RALYL: variants seen among roughly 807,000 people sequenced by gnomAD.
RALYL encodes the protein RNA-binding Raly-like protein.
Under a neutral mutation model 35.1 loss-of-function variants are expected in RALYL, and 29 were observed. The ratio of observed to expected loss-of-function variants is 0.83; its 90% CI spans 0.61 to 1.13. The LOEUF (loss-of-function observed/expected upper bound fraction) is 1.13. RALYL is among the 50% of genes most tolerant of loss of function. The probability of loss-of-function intolerance (pLI) is 0.00; values close to 1 mark genes in which losing one functional copy is unlikely to be tolerated. For missense variants in RALYL, 359 were observed against 360.4 expected (o/e 1.00, Z 0.03); for synonymous variants, 120 against 127.6 (o/e 0.94, Z 0.40).
intron 1 of RALYL, among the ~76,000 whole-genome samples, chr8:84,298,605 G>T (rs1840205850): frequency 6.6e-6 from 1 of 152,064 alleles, no homozygotes; most frequent in African/African-American, 2.4e-5. Flanking sequence ...GTCATTGGTG[G>T]GTTTGTTAGG....
intron 2 of RALYL, among the ~76,000 whole-genome samples, chr8:84,715,901 T>C (rs1842890553): frequency 1.3e-5 from 2 of 152,158 alleles, no homozygotes; most frequent in South Asian, 4.1e-4. Context: ...GGTCTCTTAT[T>C]ATTGACATAT....
rs57543989 is a variant in RALYL at position 84,228,154 on chromosome 8, CAAA to C, written c.-24+43750_-24+43752del. Among the ~76,000 whole-genome samples the C allele has an allele frequency of 7.7e-4, 95 of 123,782 alleles. No individual in the cohort carries two copies. The South Asian group carries it at 0.022, about 28-fold the overall frequency. 81.2% of individuals were successfully genotyped at this position (123,782 alleles called of 152,430 possible). ...AACGAAGACATAAAGAATAGTCTAGCAAAAAAAAAAAAAAAAAAAAAATGTGAT... is the reference window on the plus strand; with the variant it reads ...AACGAAGACATAAAGAATAGTCTAGCAAAAAAAAAAAAAAAAAAATGTGAT... On this transcript the variant is annotated intron_variant, in intron 1 of 8. Transcript: ENST00000521268.
At chr8:84,804,329 A>G (rs113784620) in intron 3 of RALYL, among the ~76,000 whole-genome samples, 21 of 152,314 alleles carry the variant, frequency 1.4e-4, no homozygotes, top group African/African-American at 5.1e-4. Flanking sequence ...ATAACTATAT[A>G]TGGTATGCTG....
At chr8:84,704,309 C>T (rs1307427591) in intron 2 of RALYL, among the ~76,000 whole-genome samples, 2 of 152,040 alleles carry the variant, frequency 1.3e-5, no homozygotes, top group Non-Finnish European at 2.9e-5. Context: ...CCTGTAATCC[C>T]AGCTACTCAG....
rs2059686339 is a variant in RALYL at position 84,537,365 on chromosome 8, G to C, written c.256+7788G>C. ...TGCACCTGTGATCTTAGCTATTCAG[G>C]AAGCTGAGGTGGGAGAATCACCTGA... On this transcript the variant is annotated intron_variant, in intron 2 of 8. Transcript: ENST00000521268. Among the ~76,000 whole-genome samples the C allele has an allele frequency of 8.6e-5, 13 of 151,388 alleles. 1 individual carries two copies. The highest frequency in any genetic ancestry group is 8.6e-4 in the Admixed American group (13 of 15,170).
intron 2 of RALYL, among the ~76,000 whole-genome samples, chr8:84,707,406 T>A (rs923046879): frequency 1.3e-5 from 2 of 152,214 alleles, no homozygotes; most frequent in African/African-American, 4.8e-5. Flanking sequence ...TTTACTCCTG[T>A]ATCTTTTATA....
intron 1 of RALYL, among the ~76,000 whole-genome samples, chr8:84,261,205 A>C (rs999622167): frequency 6.6e-6 from 1 of 152,058 alleles, no homozygotes; most frequent in African/African-American, 2.4e-5. Context: ...TTTAGTTATA[A>C]ATTATCTCAG....
chr8:84,821,457 A>G (rs1828508428), intron 4 of RALYL, among the ~76,000 whole-genome samples: 1 of 152,182 alleles, frequency 6.6e-6, no homozygotes, highest in African/African-American at 2.4e-5. Flanking sequence ...CTGCACTTGA[A>G]TGTCTAAATA....
chr8:84,468,923 C>T (rs547006309), intron 1 of RALYL, among the ~76,000 whole-genome samples: 8,331 of 151,476 alleles, frequency 0.055, 489 homozygotes, highest in African/African-American at 0.15. Context: ...CCCTTTCTTC[C>T]AGTTGATCGC....
At chr8:84,484,405 C>T (rs1012622994) in intron 1 of RALYL, among the ~76,000 whole-genome samples, 5 of 151,912 alleles carry the variant, frequency 3.3e-5, no homozygotes, top group African/African-American at 1.2e-4. Flanking sequence ...ATAGGATAAC[C>T]AGAGAGGCAA....
intron 2 of RALYL, among the ~76,000 whole-genome samples, chr8:84,688,437 A>T (rs564619190): frequency 6.6e-6 from 1 of 152,274 alleles, no homozygotes; most frequent in East Asian, 1.9e-4. Context: ...CACATATGTG[A>T]TCAATTAAAG....
In RALYL at chr8:84,357,238, C is replaced by A. The variant is rs186343828; in HGVS notation, c.-23-172061C>A. On this transcript the variant is annotated intron_variant, in intron 1 of 8. Coordinates refer to ENST00000521268, the MANE Select transcript of RALYL (RefSeq NM_173848.7). ...TAATATCCCCAATCATTGTGACAAGCAAATTTCCAGGAAAAAAAGGTATAA... is the reference window on the plus strand; with the variant it reads ...TAATATCCCCAATCATTGTGACAAGAAAATTTCCAGGAAAAAAAGGTATAA... Among the ~76,000 whole-genome samples, 8 of 151,960 alleles carry A rather than the reference C, an allele frequency of 5.3e-5. No individual in the cohort carries two copies. The East Asian group carries it at 1.5e-3, about 29-fold the overall frequency.
chr8:84,891,860 T>A (rs1843916236), intron 8 of RALYL, among the ~76,000 whole-genome samples: 1 of 152,164 alleles, frequency 6.6e-6, no homozygotes, highest in Non-Finnish European at 1.5e-5. Flanking sequence ...TTTTAGGTAA[T>A]AAAGGGCATC....
At chr8:84,876,070 C>T (rs1036717589) in intron 7 of RALYL, among the ~76,000 whole-genome samples, 2 of 152,082 alleles carry the variant, frequency 1.3e-5, no homozygotes, top group Admixed American at 6.6e-5. Flanking sequence ...CAGTACATTA[C>T]TTTGGATTTT....
intron 1 of RALYL, among the ~76,000 whole-genome samples, chr8:84,238,138 C>G (rs527529180): frequency 1.7e-4 from 26 of 151,918 alleles, no homozygotes; most frequent in Admixed American, 1.6e-3. Flanking sequence ...GTAGAATGAC[C>G]CACACTTTCT....
intron 1 of RALYL, among the ~76,000 whole-genome samples, chr8:84,405,994 A>G (rs1452989805): frequency 2.0e-5 from 3 of 150,958 alleles, no homozygotes; most frequent in African/African-American, 7.3e-5. Flanking sequence ...AAAACAATGC[A>G]AGACAATTGC....
At chr8:84,626,613 A>G (rs182574120) in intron 2 of RALYL, among the ~76,000 whole-genome samples, 1 of 152,286 alleles carries the variant, frequency 6.6e-6, no homozygotes, top group Admixed American at 6.5e-5. Flanking sequence ...GAAAATTGAG[A>G]TTCCTGAAAA....
At chr8:84,340,778 G>A (rs1053057049) in intron 1 of RALYL, among the ~76,000 whole-genome samples, 1 of 152,026 alleles carries the variant, frequency 6.6e-6, no homozygotes, top group African/African-American at 2.4e-5. Context: ...CAATGTGCAT[G>A]GGAGTGCAGA....
At chr8:84,198,331 T>A (rs763636248) in intron 1 of RALYL, among the ~76,000 whole-genome samples, 35 of 152,228 alleles carry the variant, frequency 2.3e-4, no homozygotes, top group Non-Finnish European at 4.3e-4. Context: ...CACTGCTTCA[T>A]TTCTGAATGT....
Sources: gnomAD v4.1 joint callset for allele counts (sites outside exome capture counted in the v4.1 genomes callset) on GRCh38, gnomAD v4.1.1 for gene constraint, MANE v1.5 for transcripts, NCBI Gene and HGNC (gene_info 2026-07-23, HGNC 2026-07-21) for gene names.